The following APBA2 variants were observed in gnomAD, a reference collection of about 807,000 sequenced individuals.
APBA2 encodes the protein amyloid beta precursor protein binding family A member 2, also known as amyloid-beta A4 precursor protein-binding family A member 2.
APBA2 carries 30 observed loss-of-function variants against 75.0 expected under a neutral mutation model. The observed-to-expected ratio is 0.40, with a 90% confidence interval of 0.30 to 0.54. The LOEUF (loss-of-function observed/expected upper bound fraction) is 0.54. APBA2 is among the 20% of genes least tolerant of loss of function. The probability of loss-of-function intolerance (pLI) is 0.49; values close to 1 mark genes in which losing one functional copy is unlikely to be tolerated. For missense variants in APBA2, 801 were observed against 1,016.1 expected (o/e 0.79, Z 2.88); for synonymous variants, 444 against 409.6 (o/e 1.08, Z -1.01).
At chr15:28,980,412 G>C (rs944218345) in intron 2 of APBA2, among the ~76,000 whole-genome samples, 3 of 152,136 alleles carry the variant, frequency 2.0e-5, no homozygotes, top group African/African-American at 7.2e-5. Context: ...ATGTAGAAAA[G>C]TCAGTAGCAT....
chr15:29,020,248 A>G lies in APBA2; in HGVS notation c.-41+24442A>G, dbSNP rs191071734. 6.1e-3 allele frequency among the ~76,000 whole-genome samples: 869 copies of G among 143,258 alleles called. 24 individuals carry two copies. Among genetic ancestry groups the G allele is most frequent in the Middle Eastern group, 0.018 (5 of 274 alleles). The allele number at this position is 143,258 out of a possible 152,430, so 94.0% of individuals were successfully genotyped here. ...ATTCTTTGATACATTTACTTCGACT[A>G]TTTTCTTCCAGTCTGTTGTCTTCTG... On this transcript the variant is annotated intron_variant, in intron 3 of 14. Coordinates refer to ENST00000683413, the MANE Select transcript of APBA2 (RefSeq NM_001353788.2).
chr15:28,964,622 G>T (rs1386469581), intron 2 of APBA2, among the ~76,000 whole-genome samples: 1 of 151,834 alleles, frequency 6.6e-6, no homozygotes, highest in Non-Finnish European at 1.5e-5. Flanking sequence ...CGAGTAGCTG[G>T]GATTACAGGC....
At chr15:29,115,885 G>A (rs1323392907) in intron 14 of APBA2, among the ~76,000 whole-genome samples, 1 of 152,190 alleles carries the variant, frequency 6.6e-6, no homozygotes, top group Non-Finnish European at 1.5e-5. Flanking sequence ...AGACCTGCTT[G>A]CCTGAGGAGG....
intron 3 of APBA2, among the ~76,000 whole-genome samples, chr15:29,040,154 G>A (rs938049429): frequency 6.6e-6 from 1 of 152,210 alleles, no homozygotes; most frequent in African/African-American, 2.4e-5. Context: ...CAGAGCAGTA[G>A]CACCTACTAC....
At chr15:28,894,044 C>T (rs957209586) in intron 1 of APBA2, 4 of 152,190 alleles carry the variant, frequency 2.6e-5, no homozygotes, top group African/African-American at 9.6e-5. Context: ...GGTCTAACTC[C>T]GTACGTGTTA....
intron 4 of APBA2, chr15:29,070,871 G>A (rs1216351230): frequency 2.7e-5 from 9 of 330,372 alleles, no homozygotes; most frequent in African/African-American, 6.5e-5. Context: ...AACAGGAGCC[G>A]TGAAGGGATT....
At chr15:29,092,706 GC>G (rs1292000925) in intron 6 of APBA2, among the ~76,000 whole-genome samples, 1 of 152,190 alleles carries the variant, frequency 6.6e-6, no homozygotes, top group Non-Finnish European at 1.5e-5. Flanking sequence ...CAGGTCACCA[GC>G]ATGAGTTCCG....
intron 3 of APBA2, 130 bp from the exon 4 acceptor site, chr15:29,053,715 C>T: frequency 1.6e-6 from 1 of 625,490 alleles, no homozygotes; most frequent in Non-Finnish European, 2.8e-6. Context: ...GGATGGCGCA[C>T]TGTTTGAACA....
At chr15:28,969,128 T>TTTTTTC (rs2036899034) in intron 2 of APBA2, among the ~76,000 whole-genome samples, 1 of 137,026 alleles carries the variant, frequency 7.3e-6, no homozygotes, top group African/African-American at 2.6e-5. Context: ...TTTCATTTCT[T>TTTTTTC]TTTCTTTCTT....
intron 6 of APBA2, among the ~76,000 whole-genome samples, chr15:29,081,050 T>G (rs2043062586): frequency 6.6e-6 from 1 of 152,134 alleles, no homozygotes; most frequent in South Asian, 2.1e-4. Flanking sequence ...GGCATGGAGA[T>G]TACATGCCCC....
chr15:29,017,899 G>A (rs942217469), intron 3 of APBA2, among the ~76,000 whole-genome samples: 1 of 152,054 alleles, frequency 6.6e-6, no homozygotes, highest in Admixed American at 6.6e-5. Context: ...AATTACTTCT[G>A]TTTCCTTCAC....
intron 3 of APBA2, among the ~76,000 whole-genome samples, chr15:29,004,153 C>T (rs2152805463): frequency 6.6e-6 from 1 of 152,248 alleles, no homozygotes; most frequent in East Asian, 1.9e-4. Context: ...AGGCTTTTGT[C>T]TTAGAGACTT....
chr15:29,100,455 G>C (rs2044062534), intron 9 of APBA2, among the ~76,000 whole-genome samples: 1 of 152,252 alleles, frequency 6.6e-6, no homozygotes, highest in Non-Finnish European at 1.5e-5. Flanking sequence ...GAGGACAAAA[G>C]CATAAAAGAC....
chr15:28,945,288 G>A (rs979506810), intron 2 of APBA2, among the ~76,000 whole-genome samples: 2 of 146,614 alleles, frequency 1.4e-5, no homozygotes, highest in Non-Finnish European at 2.9e-5. Flanking sequence ...GACATCTCAG[G>A]GTGACCTTGG....
chr15:28,910,640 A>G (rs1039622006), intron 1 of APBA2, among the ~76,000 whole-genome samples: 19 of 152,184 alleles, frequency 1.2e-4, no homozygotes, highest in South Asian at 2.1e-4. Flanking sequence ...GAGAGCTCCC[A>G]CCGTTCTCTT....
chr15:29,108,410 T>C (rs2044549127), intron 13 of APBA2, 21 bp downstream of exon 13: 1 of 1,613,846 alleles, frequency 6.2e-7, no homozygotes, highest in African/African-American at 1.3e-5. Context: ...CCTCCTGCTC[T>C]GGGCCACCAC....
intron 4 of APBA2, among the ~76,000 whole-genome samples, chr15:29,056,598 C>T (rs1595854923): frequency 7.2e-4 from 1 of 1,396 alleles, no homozygotes; most frequent in African/African-American, 1.3e-3. Context: ...CCCTCCCTCC[C>T]TCCCTCCCTC....
chr15:28,937,204 G>A (rs534910949), intron 2 of APBA2, among the ~76,000 whole-genome samples: 31 of 151,984 alleles, frequency 2.0e-4, no homozygotes, highest in Admixed American at 2.0e-3. Flanking sequence ...ACCAGAAGAG[G>A]TGTCATACAG....
chr15:29,058,492 C>A (rs1434011558), intron 4 of APBA2, among the ~76,000 whole-genome samples: 1 of 151,730 alleles, frequency 6.6e-6, no homozygotes, highest in African/African-American at 2.4e-5. Context: ...ACGTTGGCAA[C>A]AAAGTGAGAC....
Sources: allele counts gnomAD v4.1 joint callset (sites outside exome capture counted in the v4.1 genomes callset), GRCh38; gene constraint gnomAD v4.1.1; transcripts MANE v1.5; gene names NCBI Gene and HGNC (gene_info 2026-07-23, HGNC 2026-07-21).